Variants in PCDH15 observed in about 807,000 individuals in gnomAD.
PCDH15 encodes the protein protocadherin related 15, also known as protocadherin-15.
In PCDH15, 129 loss-of-function variants were observed where a neutral mutation model predicts 178.5. The ratio of observed to expected loss-of-function variants is 0.72; its 90% CI spans 0.63 to 0.84. The LOEUF (loss-of-function observed/expected upper bound fraction) is 0.84, where lower values mean the gene tolerates loss of function less well. Among genes scored for constraint, PCDH15 ranks in the 40% least tolerant of loss-of-function variants. PCDH15 has a pLI of 0.00. For missense variants in PCDH15, 2,230 were observed against 2,099.9 expected (o/e 1.06, Z -1.21); for synonymous variants, 800 against 732.0 (o/e 1.09, Z -1.50).
chr10:54,449,465 A>C (rs2076334636), intron 3 of PCDH15, among the ~76,000 whole-genome samples: 1 of 151,708 alleles, frequency 6.6e-6, no homozygotes, highest in African/African-American at 2.4e-5. Flanking sequence ...TTCTCTATCC[A>C]TGAGTTCAAT....
chr10:54,344,454 T>C (rs1053167887), intron 6 of PCDH15, among the ~76,000 whole-genome samples: 25 of 152,160 alleles, frequency 1.6e-4, no homozygotes, highest in African/African-American at 5.5e-4. Flanking sequence ...AGCAGAAAGA[T>C]AGTTTAAAGT....
At chr10:53,857,133 G>A in intron 28 of PCDH15, 42 bp downstream of exon 28, 5 of 1,326,896 alleles carry the variant, frequency 3.8e-6, no homozygotes, top group South Asian at 1.2e-5. Flanking sequence ...TAAAAATCAT[G>A]GTCATATAAA....
chr10:54,189,914 C>T (rs1274929383), intron 11 of PCDH15, among the ~76,000 whole-genome samples: 4 of 109,478 alleles, frequency 3.7e-5, no homozygotes, highest in Non-Finnish European at 7.3e-5. Flanking sequence ...TATATGTATA[C>T]ATGCATGTGT....
At chr10:55,467,810 A>C (rs1839864004) in intron 2 of PCDH15, among the ~76,000 whole-genome samples, 1 of 150,328 alleles carries the variant, frequency 6.7e-6, no homozygotes, top group South Asian at 2.1e-4. Context: ...CTAAAAATAC[A>C]AAAAAAATAG....
chr10:55,246,456 T>A (rs1442835898), intron 1 of PCDH15, among the ~76,000 whole-genome samples: 1 of 152,200 alleles, frequency 6.6e-6, no homozygotes, highest in Non-Finnish European at 1.5e-5. Flanking sequence ...GTGGAAAGGC[T>A]CAAGTTGCAA....
At chr10:53,906,920 A>G (rs1441847038) in intron 25 of PCDH15, 1 of 152,018 alleles carries the variant, frequency 6.6e-6, no homozygotes, top group Non-Finnish European at 1.5e-5. Context: ...TTGTCTCGGG[A>G]AGGAGAAGTC....
intron 13 of PCDH15, among the ~76,000 whole-genome samples, chr10:54,182,833 CT>C (rs1251762844): frequency 6.6e-6 from 1 of 151,656 alleles, no homozygotes; most frequent in Admixed American, 6.6e-5. Context: ...AAAATATAAA[CT>C]GGTCAAATAG....
intron 2 of PCDH15, among the ~76,000 whole-genome samples, chr10:55,528,912 T>C (rs374112722): frequency 2.6e-5 from 4 of 152,074 alleles, no homozygotes; most frequent in African/African-American, 9.7e-5. Flanking sequence ...TTTTAATGAT[T>C]GCCATTCTAA....
chr10:55,209,187 C>T (rs1329092560), intron 1 of PCDH15, among the ~76,000 whole-genome samples: 3 of 152,056 alleles, frequency 2.0e-5, no homozygotes, highest in Non-Finnish European at 2.9e-5. Flanking sequence ...ATTCAAGGCA[C>T]TGAAACAACA....
chr10:54,199,133 T>C (rs1026308985), intron 10 of PCDH15, among the ~76,000 whole-genome samples: 2 of 152,166 alleles, frequency 1.3e-5, no homozygotes, highest in African/African-American at 4.8e-5. Context: ...ATAAAGGCTC[T>C]GCCCATTTTT....
At chr10:55,623,558 G>C (rs1192068720) in intron 2 of PCDH15, among the ~76,000 whole-genome samples, 1 of 151,808 alleles carries the variant, frequency 6.6e-6, no homozygotes, top group Non-Finnish European at 1.5e-5. Context: ...ACATAGGACA[G>C]GGATGAGAAT....
intron 2 of PCDH15, among the ~76,000 whole-genome samples, chr10:55,529,542 C>T (rs1841395046): frequency 6.6e-6 from 1 of 151,412 alleles, no homozygotes; most frequent in South Asian, 2.1e-4. Flanking sequence ...TATTAAATTA[C>T]AGTTTATTTA....
chr10:55,345,420 G>A (rs1844726409), intron 2 of PCDH15, among the ~76,000 whole-genome samples: 2 of 151,876 alleles, frequency 1.3e-5, no homozygotes, highest in Admixed American at 1.3e-4. Context: ...TGTATAAAAT[G>A]AAAGGTGAAC....
intron 26 of PCDH15, among the ~76,000 whole-genome samples, chr10:53,873,986 C>T (rs985782889): frequency 6.6e-6 from 1 of 152,150 alleles, no homozygotes; most frequent in Non-Finnish European, 1.5e-5. Flanking sequence ...TTGGGCTTCC[C>T]TGCCTCCAGA....
intron 3 of PCDH15, among the ~76,000 whole-genome samples, chr10:54,400,627 C>T (rs1378431771): frequency 2.6e-5 from 4 of 151,882 alleles, no homozygotes; most frequent in Non-Finnish European, 4.4e-5. Context: ...TCTTTCAGTG[C>T]CCTGGAAAAG....
chr10:54,926,897 C>T (rs893912388), intron 2 of PCDH15, among the ~76,000 whole-genome samples: 1 of 151,936 alleles, frequency 6.6e-6, no homozygotes, highest in South Asian at 2.1e-4. Flanking sequence ...AAGAAAATAA[C>T]AACTCCTGGA....
At chr10:54,927,436 G>A (rs963215727) in intron 2 of PCDH15, among the ~76,000 whole-genome samples, 4 of 152,012 alleles carry the variant, frequency 2.6e-5, no homozygotes, top group Non-Finnish European at 5.9e-5. Context: ...AAGTAATGTG[G>A]ATTTCTATCA....
At chr10:54,109,278 C>A (rs1241150396) in intron 15 of PCDH15, among the ~76,000 whole-genome samples, 1 of 152,172 alleles carries the variant, frequency 6.6e-6, no homozygotes, top group Non-Finnish European at 1.5e-5. Flanking sequence ...GCAGAGCTAT[C>A]TGCACTCCGT....
At chr10:55,292,747 C>T (rs1843039580) in intron 1 of PCDH15, among the ~76,000 whole-genome samples, 1 of 152,236 alleles carries the variant, frequency 6.6e-6, no homozygotes, top group Admixed American at 6.5e-5. Flanking sequence ...CCAGGTCACG[C>T]TGAAGCAAGA....
Sources: gnomAD v4.1 joint callset for allele counts (sites outside exome capture counted in the v4.1 genomes callset) on GRCh38, gnomAD v4.1.1 for gene constraint, MANE v1.5 for transcripts, NCBI Gene and HGNC (gene_info 2026-07-23, HGNC 2026-07-21) for gene names.